Variants in INTS11 observed in about 807,000 individuals in gnomAD.
INTS11 encodes the protein CPSF3-like protein.
Under a neutral mutation model 78.6 loss-of-function variants are expected in INTS11, and 77 were observed. The observed-to-expected ratio is 0.98, with a 90% CI of 0.81 to 1.18. The LOEUF is 1.18. INTS11 is among the 50% of genes most tolerant of loss of function. INTS11 has a pLI of 0.00. For synonymous variants in INTS11, 441 were observed against 326.9 expected (o/e 1.35, Z -3.77); for missense variants, 875 against 825.9 (o/e 1.06, Z -0.73).
chr1:1,320,334 G>C (rs1642870782), intron 3 of INTS11, 122 bp downstream of exon 3: 8 of 878,744 alleles, frequency 9.1e-6, no homozygotes, highest in Admixed American at 1.9e-5. Context: ...CTGGGGCCTA[G>C]AAGCCCCCTG....
intron 1 of INTS11, among the ~76,000 whole-genome samples, chr1:1,321,651 G>C (rs995866831): frequency 4.4e-4 from 67 of 152,354 alleles, no homozygotes; most frequent in Middle Eastern, 3.4e-3. Context: ...GCAGTGGCCA[G>C]CGTGGCAACA....
In INTS11 at chr1:1,312,271, C is replaced by A; in HGVS notation, c.1562G>T (p.Arg521Leu). The change falls in exon 15 of 17, where the codon CGC (arginine) becomes CTC (leucine). Residue 521 changes from arginine (R) to leucine (L), a missense_variant. Physicochemically the swap from Arg to Leu is moderately radical, Grantham distance 102. Transcript: ENST00000435064. ...FTCRVHLHDT[R>L]KEQETALRVY... is the part of the protein sequence containing the mutation. ...GCGCAATGCCGTCTCCTGCTCCTTG[C>A]GTGTGTCATGCAGGTGCACGCGGCA... 1.9e-6 allele frequency: 3 copies of A among 1,549,354 alleles called. No individual in the cohort carries two copies. Among genetic ancestry groups the A allele is most frequent in the Admixed American group, 2.0e-5 (1 of 50,950 alleles).
intron 1 of INTS11, chr1:1,323,416 CTTTCT>C (rs774217959): frequency 1.1e-5 from 12 of 1,122,154 alleles, no homozygotes; most frequent in Middle Eastern, 4.1e-4. Context: ...ACGACTTTGA[CTTTCT>C]TTTGAGACAT....
Position 1,320,526 on chromosome 1 carries a change from G to A in INTS11, c.130C>T (p.Arg44Cys), listed in dbSNP as rs1642881817. The A allele has an allele frequency of 1.2e-6, 2 of 1,613,754 alleles. No individual in the cohort carries two copies. Among genetic ancestry groups the A allele is most frequent in the Admixed American group, 1.7e-5 (1 of 60,002 alleles). The change falls in exon 3 of 17, where the codon CGC becomes TGC. Residue 44 changes from arginine to cysteine, a missense_variant. Coordinates refer to ENST00000435064, the MANE Select transcript of INTS11 (RefSeq NM_017871.6). ...GMHMGFNDDR[R>C]FPDFSYITQN... ...GTGATGTAGGAGAAGTCAGGGAAGC[G>A]TCGCTAGGAAGGATGTGGGGGTTTC... is the stretch of plus-strand genomic sequence containing the variant.
At position 1,312,595 on chromosome 1, in the gene INTS11, T is replaced by C; in HGVS notation, c.1400A>G (p.Gln467Arg). ...SLGLLKREMA[Q>R]GLLPEAKKPR... ...CCTGCCCTGCCCAGCCCGCATACCC[T>C]GCGCCATCTCCCGCTTCAGCAGCCC... The change falls in exon 13 of 17, where the codon CAG (glutamine) becomes CGG (arginine). Residue 467 changes from glutamine to arginine, a missense_variant and splice_region_variant. Transcript: ENST00000435064. 1 of 1,573,000 alleles carries C rather than the reference T, an allele frequency of 6.4e-7. No individual in the cohort carries two copies. The highest frequency in any genetic ancestry group is 8.7e-7 in the Non-Finnish European group (1 of 1,155,140).
At chr1:1,317,361 C>G in intron 4 of INTS11, 1 of 494,002 alleles carries the variant, frequency 2.0e-6, no homozygotes, top group Non-Finnish European at 2.6e-6. Context: ...CACCACTGCA[C>G]TACAGCCTGG....
At position 1,314,762 on chromosome 1, in the gene INTS11, C is replaced by A. The variant is rs953467870; in HGVS notation, c.702+62G>T. The A allele has an allele frequency of 1.9e-6, 3 of 1,557,664 alleles. No individual in the cohort carries two copies. The highest frequency in any genetic ancestry group is 1.2e-5 in the South Asian group (1 of 85,188). On this transcript the variant is annotated intron_variant, in intron 7 of 16. Coordinates refer to ENST00000435064, the MANE Select transcript of INTS11 (RefSeq NM_017871.6). This position sits in a 1 kb window ranked among gnomAD's most constrained non-coding sequence, Gnocchi z 4.2. Reference sequence around the variant, plus strand: ...CTGACCCATGCCAAGGGCAGCCAAGCCTGCCAGAAAGACCAGCCCAGCATG... The same window carrying A: ...CTGACCCATGCCAAGGGCAGCCAAGACTGCCAGAAAGACCAGCCCAGCATG...
chr1:1,312,825 T>A lies in INTS11; in HGVS notation c.1256A>T (p.Lys419Met). 6.2e-7 allele frequency: 1 copy of A among 1,611,460 alleles called. No individual in the cohort carries two copies. Among genetic ancestry groups the A allele is most frequent in the Non-Finnish European group, 8.5e-7 (1 of 1,179,608 alleles). Residue 419 changes from lysine (K) to methionine (M), a missense_variant, in exon 12 of 17, where the codon AAG becomes ATG. By Grantham distance (95) the Lys-to-Met change is moderately conservative. Coordinates refer to ENST00000435064, the MANE Select transcript of INTS11 (RefSeq NM_017871.6). ...SVLLVHGEAK[K>M]MEFLKQKIEQ... is the part of the protein sequence containing the mutation. Reference sequence around the variant, plus strand: ...GATCTTCTGCTTCAGGAACTCCATCTTCTTGGCCTCGCCATGCACCAGCAG... The same window carrying A: ...GATCTTCTGCTTCAGGAACTCCATCATCTTGGCCTCGCCATGCACCAGCAG...
chr1:1,312,207 G>GGGGGGT lies in INTS11; in HGVS notation c.1607+18_1607+19insACCCCC. On this transcript the variant is annotated intron_variant, in intron 15 of 16. Transcript: ENST00000435064. ...CCAGGGCCCAAGGGAGTGGGGGGGG[G>GGGGGGT]GCGGGGCCGGGCGCCCACCTCTTGA... is the stretch of plus-strand genomic sequence containing the variant. 1 of 1,151,086 alleles carries GGGGGGT rather than the reference G, an allele frequency of 8.7e-7. No individual in the cohort carries two copies. The highest frequency in any genetic ancestry group is 1.2e-6 in the Non-Finnish European group (1 of 820,454). The allele number at this position is 1,151,086 out of a possible 1,614,324, so 71.3% of individuals were successfully genotyped here.
intron 2 of INTS11, 81 bp downstream of exon 2, chr1:1,320,915 C>A: frequency 8.0e-7 from 1 of 1,256,650 alleles, no homozygotes. Context: ...CACCACCCCA[C>A]TGTCCCGGCT....
intron 1 of INTS11, among the ~76,000 whole-genome samples, chr1:1,321,678 G>A (rs1570741717): frequency 6.6e-6 from 1 of 152,224 alleles, no homozygotes; most frequent in East Asian, 1.9e-4. Flanking sequence ...TCACACCACT[G>A]CACACCATGC....
Position 1,314,489 on chromosome 1 carries a change from G to A in INTS11, c.703-124C>T. ...TCATAGGGACCTTAGCCTCTCATCT[G>A]CTCCCAGTCCCGTCCCAGCCGCTCT... On this transcript the variant is annotated intron_variant, in intron 7 of 16. Transcript: ENST00000435064. This position sits in a 1 kb window ranked among gnomAD's most constrained non-coding sequence, Gnocchi z 4.2. 1 of 841,316 alleles carries A rather than the reference G, an allele frequency of 1.2e-6. No homozygotes were observed. The highest frequency in any genetic ancestry group is 1.8e-6 in the Non-Finnish European group (1 of 543,786). The allele number at this position is 841,316 out of a possible 1,614,324, so 52.1% of individuals were successfully genotyped here. A position where few individuals can be genotyped will look rare whatever the true frequency, so the allele number is the denominator to read the frequency against.
intron 9 of INTS11, 68 bp from the exon 10 acceptor site, chr1:1,313,660 A>C: frequency 6.2e-7 from 1 of 1,610,884 alleles, no homozygotes; most frequent in Non-Finnish European, 8.5e-7. Context: ...TGCAGGCCCA[A>C]GCCCAGACAC....
chr1:1,320,685 G>A, intron 2 of INTS11, 156 bp from the exon 3 acceptor site: 1 of 802,624 alleles, frequency 1.2e-6, no homozygotes. Context: ...ACCCCTGGCT[G>A]CTCACAGCAT....
rs1458882276 is a variant in INTS11 at position 1,314,516 on chromosome 1, CAG to C, written c.703-153_703-152del. 9.9e-6 allele frequency: 7 copies of C among 708,570 alleles called. No individual in the cohort carries two copies. The East Asian group carries it at 1.9e-4, about 19-fold the overall frequency. 43.9% of individuals were successfully genotyped at this position (708,570 alleles called of 1,614,324 possible). A position where few individuals can be genotyped will look rare whatever the true frequency, so the allele number is the denominator to read the frequency against. On this transcript the variant is annotated intron_variant, in intron 7 of 16. Coordinates refer to ENST00000435064, the MANE Select transcript of INTS11 (RefSeq NM_017871.6). The surrounding 1 kb of genome is among the most constrained non-coding windows in gnomAD (Gnocchi z 4.2). ...TCCCAGTCCCGTCCCAGCCGCTCTCCAGAGACAGAAGGGAGCCGTATGAGAGA... is the reference window on the plus strand; with the variant it reads ...TCCCAGTCCCGTCCCAGCCGCTCTCCAGACAGAAGGGAGCCGTATGAGAGA...
chr1:1,315,737 AGGGGGCGG>A, intron 4 of INTS11, 119 bp from the exon 5 acceptor site: 1 of 89,356 alleles, frequency 1.1e-5, no homozygotes, highest in Admixed American at 1.2e-4. Flanking sequence ...AAGGGGAGCG[AGGGGGCGG>A]GGGCGGGAGC....
In INTS11 at chr1:1,314,983, T is replaced by C. The variant is rs202164977; in HGVS notation, c.564-21A>G. On this transcript the variant is annotated intron_variant, in intron 6 of 16. Transcript: ENST00000435064. This position sits in a 1 kb window ranked among gnomAD's most constrained non-coding sequence, Gnocchi z 4.2. ...CAGCTCTGGAACACGGGGGTGGGGG[T>C]GTGAGCCACGATGCACTGTCCCCAC... The C allele has an allele frequency of 1.4e-5, 22 of 1,606,892 alleles. No homozygotes were observed. The highest frequency in any genetic ancestry group is 1.7e-4 in the Middle Eastern group (1 of 6,046).
chr1:1,321,874 G>C lies in INTS11; in HGVS notation c.29-781C>G, dbSNP rs375132615. 5 of 1,305,824 alleles carry C rather than the reference G, an allele frequency of 3.8e-6. No homozygotes were observed. The African/African-American group carries it at 6.2e-5, about 16-fold the overall frequency. 80.9% of individuals were successfully genotyped at this position (1,305,824 alleles called of 1,614,324 possible). On this transcript the variant is annotated intron_variant, in intron 1 of 16. Coordinates refer to ENST00000435064, the MANE Select transcript of INTS11 (RefSeq NM_017871.6). The stretch of plus-strand genomic sequence containing the variant: ...ACTGTGCCTGGGCAGGAGTCTGATG[G>C]CAGTGAACAGTTTTCCCCTTGAATC...
At position 1,312,212 on chromosome 1, in the gene INTS11, G is replaced by T; in HGVS notation, c.1607+14C>A. 1.1e-6 allele frequency: 1 copy of T among 911,002 alleles called. No individual in the cohort carries two copies. Among genetic ancestry groups the T allele is most frequent in the African/African-American group, 1.7e-5 (1 of 59,038 alleles). 56.4% of individuals were successfully genotyped at this position (911,002 alleles called of 1,614,324 possible). On this transcript the variant is annotated intron_variant, in intron 15 of 16. Transcript: ENST00000435064. ...GCCCAAGGGAGTGGGGGGGGGGCGG[G>T]GCCGGGCGCCCACCTCTTGAGGTGG...
Sources: allele counts gnomAD v4.1 joint callset (sites outside exome capture counted in the v4.1 genomes callset), GRCh38; gene constraint gnomAD v4.1.1; non-coding constraint Gnocchi (gnomAD v3.1); transcripts MANE v1.5; gene names NCBI Gene and HGNC (gene_info 2026-07-23, HGNC 2026-07-21).